PPP2R5E: variants seen among roughly 807,000 people sequenced by gnomAD.
The protein encoded by PPP2R5E is serine/threonine-protein phosphatase 2A 56 kDa regulatory subunit epsilon isoform.
Under a neutral mutation model 65.3 loss-of-function variants are expected in PPP2R5E, and 4 were observed. The observed-to-expected ratio is 0.06, with a 90% CI of 0.03 to 0.14. The LOEUF is 0.14. Among genes scored for constraint, PPP2R5E ranks in the 10% least tolerant of loss-of-function variants. PPP2R5E has a pLI of 1.00. For missense variants in PPP2R5E, 274 were observed against 556.1 expected (o/e 0.49, Z 5.10); for synonymous variants, 183 against 187.4 (o/e 0.98, Z 0.19).
At chr14:63,420,301 C>T (rs1184125270) in intron 4 of PPP2R5E, among the ~76,000 whole-genome samples, 1 of 152,140 alleles carries the variant, frequency 6.6e-6, no homozygotes, top group Non-Finnish European at 1.5e-5. Flanking sequence ...AATGAACTGT[C>T]ACCAAACATT....
rs56297942 is a variant in PPP2R5E, at chr14:63,421,052, C to CAAAAAAA, written c.456+934_456+940dup. Reference sequence around the variant, plus strand: ...TGGGCGACAGAGCGAGACTCCGTCTCAAAAAAAAAAAAAAAAAAAAAAAAA... The same window carrying CAAAAAAA: ...TGGGCGACAGAGCGAGACTCCGTCTCAAAAAAAAAAAAAAAAAAAAAAAAAAAAAAAA... On this transcript the variant is annotated intron_variant, in intron 4 of 13. Transcript: ENST00000337537. Among the ~76,000 whole-genome samples the CAAAAAAA allele has an allele frequency of 6.8e-4, 7 of 10,294 alleles. 1 individual carries two copies. The highest frequency in any genetic ancestry group is 1.2e-3 in the African/African-American group (2 of 1,730). The allele number at this position is 10,294 out of a possible 152,430, so 6.8% of individuals were successfully genotyped here.
chr14:63,393,846 T>TTTA lies in PPP2R5E; in HGVS notation c.822_823insTAA (p.Val274_Arg275insTer). ...TGTGCATGGAAGAGTGATAAGCTCCTGACAGTGTGTAAAGGGATCAATACT... is the reference window on the plus strand; with the variant it reads ...TGTGCATGGAAGAGTGATAAGCTCCTTTAGACAGTGTGTAAAGGGATCAATACT... On this transcript the variant is annotated stop_gained and inframe_insertion, in exon 8 of 14. Transcript: ENST00000337537. LOFTEE classifies it high-confidence loss of function. 6.2e-7 allele frequency: 1 copy of TTTA among 1,606,726 alleles called. No homozygotes were observed. Among genetic ancestry groups the TTTA allele is most frequent in the Non-Finnish European group, 8.5e-7 (1 of 1,173,400 alleles).
chr14:63,412,302 C>G (rs1443068790), intron 5 of PPP2R5E, among the ~76,000 whole-genome samples: 1 of 152,196 alleles, frequency 6.6e-6, no homozygotes, highest in Non-Finnish European at 1.5e-5. Context: ...GAGAAACATG[C>G]AGCAATATGC....
intron 2 of PPP2R5E, among the ~76,000 whole-genome samples, chr14:63,538,732 G>T (rs967732349): frequency 6.6e-6 from 1 of 151,590 alleles, no homozygotes; most frequent in African/African-American, 2.4e-5. Flanking sequence ...ATCACTTGGG[G>T]TCAGGAGTTC....
At chr14:63,437,238 A>G (rs1240893630) in intron 3 of PPP2R5E, among the ~76,000 whole-genome samples, 1 of 152,216 alleles carries the variant, frequency 6.6e-6, no homozygotes, top group African/African-American at 2.4e-5. Flanking sequence ...CAGAAAACTC[A>G]TGAATAATCC....
At chr14:63,419,390 G>C (rs1886880826) in intron 4 of PPP2R5E, among the ~76,000 whole-genome samples, 1 of 152,090 alleles carries the variant, frequency 6.6e-6, no homozygotes, top group Admixed American at 6.5e-5. Context: ...GCTGTGTTTT[G>C]GTCAGAAAAA....
chr14:63,491,855 T>G (rs1891300427), intron 2 of PPP2R5E, among the ~76,000 whole-genome samples: 1 of 152,062 alleles, frequency 6.6e-6, no homozygotes. Context: ...CTCAAAAAAA[T>G]TAATTAATTA....
intron 2 of PPP2R5E, among the ~76,000 whole-genome samples, chr14:63,494,026 C>CT (rs1448047789): frequency 4.6e-5 from 7 of 152,054 alleles, no homozygotes; most frequent in African/African-American, 1.7e-4. Flanking sequence ...CCTACCAAGG[C>CT]TTTTATTTTT....
intron 2 of PPP2R5E, among the ~76,000 whole-genome samples, chr14:63,499,086 C>A (rs563457620): frequency 6.6e-6 from 1 of 152,188 alleles, no homozygotes; most frequent in African/African-American, 2.4e-5. Flanking sequence ...TTAAGAAATG[C>A]AGCTACTCAT....
At chr14:63,463,102 C>T (rs943399717) in intron 2 of PPP2R5E, among the ~76,000 whole-genome samples, 2 of 88,652 alleles carry the variant, frequency 2.3e-5, no homozygotes, top group Non-Finnish European at 5.0e-5. Flanking sequence ...AACTCCATCT[C>T]AAAAAAAAAA....
At chr14:63,450,624 T>C (rs1011953784) in intron 3 of PPP2R5E, among the ~76,000 whole-genome samples, 3 of 152,186 alleles carry the variant, frequency 2.0e-5, no homozygotes, top group Non-Finnish European at 4.4e-5. Flanking sequence ...AATGCCTACA[T>C]TTTAAGGAGG....
At chr14:63,477,985 T>G (rs1040811952) in intron 2 of PPP2R5E, among the ~76,000 whole-genome samples, 1 of 152,194 alleles carries the variant, frequency 6.6e-6, no homozygotes. Context: ...AGCTTGGAGA[T>G]CCTTCAAATA....
intron 5 of PPP2R5E, among the ~76,000 whole-genome samples, chr14:63,409,356 G>T (rs1159097210): frequency 6.6e-6 from 1 of 152,148 alleles, no homozygotes; most frequent in African/African-American, 2.4e-5. Context: ...GCAGTGAGCT[G>T]AAATTACACC....
intron 3 of PPP2R5E, among the ~76,000 whole-genome samples, chr14:63,441,966 G>T (rs572761308): frequency 4.6e-5 from 7 of 151,698 alleles, no homozygotes; most frequent in African/African-American, 1.7e-4. Context: ...ACCTAAGAGG[G>T]TTCAGTGACC....
chr14:63,419,084 T>C (rs369668377), intron 4 of PPP2R5E, among the ~76,000 whole-genome samples: 48 of 152,330 alleles, frequency 3.2e-4, no homozygotes, highest in African/African-American at 1.1e-3. Flanking sequence ...TGGCTTCAAG[T>C]GATCCACCCG....
intron 3 of PPP2R5E, among the ~76,000 whole-genome samples, chr14:63,423,793 C>T (rs1018227244): frequency 1.7e-4 from 26 of 152,152 alleles, no homozygotes; most frequent in East Asian, 1.9e-4. Context: ...ACTAGGAAAA[C>T]AGTAGTGAAC....
rs555690257 is a variant in PPP2R5E at position 63,384,119 on chromosome 14, C to G, written c.1202+325G>C. Among the ~76,000 whole-genome samples, 3 of 152,274 alleles carry G rather than the reference C, an allele frequency of 2.0e-5. No individual in the cohort carries two copies. In the East Asian group the frequency reaches 5.8e-4, roughly 29 times the overall value. On this transcript the variant is annotated intron_variant, in intron 12 of 13. Transcript: ENST00000337537. ...AAAGGGCTCTCCCCATGCCATCCAC[C>G]TGCCAAATTCCTTTCAGATTCAGTC...
At chr14:63,464,613 T>C (rs2139525173) in intron 2 of PPP2R5E, among the ~76,000 whole-genome samples, 1 of 152,332 alleles carries the variant, frequency 6.6e-6, no homozygotes, top group Non-Finnish European at 1.5e-5. Flanking sequence ...TGAAACACGG[T>C]GAGGACTTTG....
At chr14:63,377,319 A>C (rs558407360) in intron 13 of PPP2R5E, among the ~76,000 whole-genome samples, 54 of 152,292 alleles carry the variant, frequency 3.5e-4, no homozygotes, top group African/African-American at 1.3e-3. Flanking sequence ...ATTTCTACGC[A>C]GGGAAATCCA....
Sources: gnomAD v4.1 joint callset for allele counts (sites outside exome capture counted in the v4.1 genomes callset) on GRCh38, gnomAD v4.1.1 for gene constraint, MANE v1.5 for transcripts, NCBI Gene and HGNC (gene_info 2026-07-23, HGNC 2026-07-21) for gene names.